Variants in ATP8A2 observed in about 807,000 individuals in gnomAD.
ATP8A2 encodes ATPase phospholipid transporting 8A2.
ATP8A2 carries 100 observed loss-of-function variants against 165.6 expected under a neutral mutation model. The observed-to-expected ratio is 0.60, with a 90% CI of 0.51 to 0.71. ATP8A2 has a LOEUF of 0.71. Ranked by LOEUF, ATP8A2 falls within the 30% of genes least tolerant of loss-of-function variation. The pLI is 0.00. For synonymous variants in ATP8A2, 543 were observed against 548.8 expected (o/e 0.99, Z 0.15); for missense variants, 1,227 against 1,479.5 (o/e 0.83, Z 2.80).
chr13:25,973,419 A>T (rs766509170), intron 35 of ATP8A2, among the ~76,000 whole-genome samples: 3 of 152,154 alleles, frequency 2.0e-5, no homozygotes, highest in Non-Finnish European at 2.9e-5. Context: ...CCCTGGTCAC[A>T]GCCTTGGACA....
At chr13:25,862,467 T>A in intron 33 of ATP8A2, 59 bp downstream of exon 33, 2 of 1,346,290 alleles carry the variant, frequency 1.5e-6, no homozygotes, top group Middle Eastern at 1.8e-4. Context: ...TGTTTCTCCA[T>A]GGGCGGGTGA....
At chr13:25,647,637 T>C (rs1468395491) in intron 24 of ATP8A2, among the ~76,000 whole-genome samples, 2 of 152,076 alleles carry the variant, frequency 1.3e-5, no homozygotes, top group Admixed American at 1.3e-4. Context: ...ATTGGCACTT[T>C]CCCCCCAGTA....
At chr13:25,630,086 C>G (rs199780264) in intron 24 of ATP8A2, among the ~76,000 whole-genome samples, 3 of 53,556 alleles carry the variant, frequency 5.6e-5, no homozygotes, top group South Asian at 7.4e-4. Context: ...TGTCCCCCCC[C>G]CACCACCAAA....
In ATP8A2 at chr13:25,456,776, T is replaced by C. The variant is rs116818774; in HGVS notation, c.77-12201T>C. 2.5e-3 allele frequency among the ~76,000 whole-genome samples: 377 copies of C among 152,326 alleles called. 3 individuals carry two copies. Among genetic ancestry groups the C allele is most frequent in the African/African-American group, 8.9e-3 (369 of 41,566 alleles). ...TAACTTCTGCGTTATGCACACAGAA[T>C]GCCCAGAATTTATGGTGACGGAATG... On this transcript the variant is annotated intron_variant, in intron 1 of 36. Transcript: ENST00000381655.
intron 25 of ATP8A2, among the ~76,000 whole-genome samples, chr13:25,714,212 A>G (rs917376268): frequency 2.0e-5 from 3 of 152,158 alleles, no homozygotes; most frequent in Non-Finnish European, 4.4e-5. Flanking sequence ...TTAAAAACCT[A>G]GTGGGATGCT....
At chr13:25,639,491 C>A (rs1166842991) in intron 24 of ATP8A2, among the ~76,000 whole-genome samples, 2 of 152,070 alleles carry the variant, frequency 1.3e-5, no homozygotes, top group Admixed American at 6.6e-5. Flanking sequence ...CAATGAAGAT[C>A]GAAAGAGACA....
At chr13:25,663,563 G>A (rs1209549071) in intron 24 of ATP8A2, among the ~76,000 whole-genome samples, 3 of 152,000 alleles carry the variant, frequency 2.0e-5, no homozygotes, top group Non-Finnish European at 4.4e-5. Context: ...TCCCATGATT[G>A]TAGAGTTGCA....
At chr13:25,626,291 C>T (rs2041098041) in intron 24 of ATP8A2, among the ~76,000 whole-genome samples, 1 of 152,120 alleles carries the variant, frequency 6.6e-6, no homozygotes. Flanking sequence ...GCTGGGAAGT[C>T]CAAGAGCATG....
Position 25,810,536 on chromosome 13 carries a change from AC to A in ATP8A2, c.2680-17581del, listed in dbSNP as rs1180951216. 2.0e-5 allele frequency among the ~76,000 whole-genome samples: 3 copies of A among 151,436 alleles called. 1 individual carries two copies. Among genetic ancestry groups the A allele is most frequent in the African/African-American group, 2.5e-5 (1 of 40,812 alleles). On this transcript the variant is annotated intron_variant, in intron 27 of 36. Transcript: ENST00000381655. ...TCTTTTTTTTTTAAGGAAAAAAAAA[AC>A]AAAACACTACTCTATCTCCAAAACC...
intron 33 of ATP8A2, among the ~76,000 whole-genome samples, chr13:25,927,774 G>A (rs1954653725): frequency 6.6e-6 from 1 of 152,234 alleles, no homozygotes; most frequent in African/African-American, 2.4e-5. Flanking sequence ...ATAACAAGGT[G>A]TTTCTTTCTC....
intron 2 of ATP8A2, among the ~76,000 whole-genome samples, chr13:25,514,253 TATC>T (rs1485867113): frequency 6.6e-6 from 1 of 152,246 alleles, no homozygotes; most frequent in East Asian, 1.9e-4. Context: ...GTGAATGTGT[TATC>T]ATCTTATGAC....
chr13:25,747,765 G>A (rs1354695367), intron 25 of ATP8A2, among the ~76,000 whole-genome samples: 4 of 152,108 alleles, frequency 2.6e-5, no homozygotes, highest in Admixed American at 6.5e-5. Context: ...TACAGATTAG[G>A]ACAGAGTTGC....
intron 2 of ATP8A2, among the ~76,000 whole-genome samples, chr13:25,515,038 C>T (rs2037420275): frequency 1.3e-5 from 2 of 152,200 alleles, no homozygotes; most frequent in South Asian, 4.1e-4. Flanking sequence ...AGCAGGTGGA[C>T]TCCCTAGTGT....
At chr13:25,866,648 AC>A (rs1848794843) in intron 33 of ATP8A2, among the ~76,000 whole-genome samples, 1 of 152,106 alleles carries the variant, frequency 6.6e-6, no homozygotes, top group Non-Finnish European at 1.5e-5. Context: ...ACAGAGAGAC[AC>A]ACACACAGAC....
chr13:25,949,956 C>T (rs772241211), intron 33 of ATP8A2, among the ~76,000 whole-genome samples: 3 of 152,206 alleles, frequency 2.0e-5, no homozygotes, highest in Non-Finnish European at 4.4e-5. Context: ...CACACCACCA[C>T]GCCTGGCTAA....
At chr13:25,976,019 G>A (rs1956027260) in intron 35 of ATP8A2, among the ~76,000 whole-genome samples, 1 of 152,152 alleles carries the variant, frequency 6.6e-6, no homozygotes, top group African/African-American at 2.4e-5. Flanking sequence ...TCTGGGCAAG[G>A]TTCACACATA....
At chr13:25,478,434 T>G (rs1340629721) in intron 2 of ATP8A2, among the ~76,000 whole-genome samples, 1 of 152,226 alleles carries the variant, frequency 6.6e-6, no homozygotes, top group Middle Eastern at 3.4e-3. Context: ...GGGACAATGC[T>G]TAGACAGAAC....
chr13:25,739,478 A>C (rs1469446415), intron 25 of ATP8A2, among the ~76,000 whole-genome samples: 1 of 152,220 alleles, frequency 6.6e-6, no homozygotes, highest in Non-Finnish European at 1.5e-5. Context: ...AGCAGTCTTA[A>C]TATAACGTAG....
At chr13:25,470,962 G>C (rs2035826493) in intron 2 of ATP8A2, among the ~76,000 whole-genome samples, 1 of 152,080 alleles carries the variant, frequency 6.6e-6, no homozygotes, top group South Asian at 2.1e-4. Flanking sequence ...CTGGGGAAGA[G>C]AGAAAAGGTT....
Sources: allele counts gnomAD v4.1 joint callset (sites outside exome capture counted in the v4.1 genomes callset), GRCh38; gene constraint gnomAD v4.1.1; transcripts MANE v1.5; gene names NCBI Gene and HGNC (gene_info 2026-07-23, HGNC 2026-07-21).